SCUBE2: variants seen among roughly 807,000 people sequenced by gnomAD.
SCUBE2 encodes the protein signal peptide, CUB domain and EGF like domain containing 2, also known as signal peptide, CUB and EGF-like domain-containing protein 2.
SCUBE2 carries 114 observed loss-of-function variants against 125.9 expected under a neutral mutation model. The observed-to-expected ratio is 0.91, with a 90% CI of 0.78 to 1.06. SCUBE2 has a LOEUF of 1.06. Among genes scored for constraint, SCUBE2 ranks in the 50% least tolerant of loss-of-function variants. The pLI is 0.00. For missense variants in SCUBE2, 1,255 were observed against 1,301.8 expected, an observed-to-expected ratio of 0.96 and a Z score of 0.55; for synonymous variants, 459 against 492.9, an observed-to-expected ratio of 0.93 and a Z score of 0.91.
At chr11:9,089,679 C>A (rs372002537) in intron 2 of SCUBE2, 28 bp downstream of exon 2, 51 of 1,609,344 alleles carry the variant, frequency 3.2e-5, no homozygotes, top group Middle Eastern at 1.7e-4. Flanking sequence ...TCCCTACAGT[C>A]CCCCCACATG....
At position 9,074,236 on chromosome 11, in the gene SCUBE2, G is replaced by T. The variant is rs149848049; in HGVS notation, c.517+245C>A. Among the ~76,000 whole-genome samples, 26 of 152,332 alleles carry T rather than the reference G, an allele frequency of 1.7e-4. 1 individual carries two copies. The East Asian group carries it at 3.9e-3, about 23-fold the overall frequency. ...GTATTCTATGTAAAGATTAGAATCA[G>T]AAAATGTGAGAGTTTGAAAGGACCT... On this transcript the variant is annotated intron_variant, in intron 4 of 22. Transcript: ENST00000649792.
At chr11:9,085,286 T>G (rs1861957919) in intron 2 of SCUBE2, among the ~76,000 whole-genome samples, 1 of 152,350 alleles carries the variant, frequency 6.6e-6, no homozygotes, top group South Asian at 2.1e-4. Context: ...GTTGATTTCC[T>G]GGTTTTGATA....
intron 7 of SCUBE2, 93 bp downstream of exon 7, chr11:9,065,798 G>C: frequency 9.6e-7 from 1 of 1,044,846 alleles, no homozygotes. Context: ...CTGGTCTGAG[G>C]GCATGTGGCT....
intron 21 of SCUBE2, among the ~76,000 whole-genome samples, chr11:9,025,232 T>G (rs546095675): frequency 6.6e-6 from 1 of 152,364 alleles, no homozygotes; most frequent in South Asian, 2.1e-4. Flanking sequence ...GGTCCTTCCC[T>G]GCCTCAGGAT....
At chr11:9,072,798 T>C (rs990616195) in intron 4 of SCUBE2, among the ~76,000 whole-genome samples, 1 of 152,186 alleles carries the variant, frequency 6.6e-6, no homozygotes, top group African/African-American at 2.4e-5. Flanking sequence ...AAATACTCTT[T>C]AGGGGATCCA....
At chr11:9,033,489 A>G (rs1856493689) in intron 17 of SCUBE2, 137 bp downstream of exon 17, 1 of 924,450 alleles carries the variant, frequency 1.1e-6, no homozygotes, top group Non-Finnish European at 1.7e-6. Context: ...TGAGCCAAAG[A>G]TGAATCGAGC....
At chr11:9,047,840 G>C in intron 15 of SCUBE2, 103 bp downstream of exon 15, 1 of 1,336,196 alleles carries the variant, frequency 7.5e-7, no homozygotes, top group Non-Finnish European at 1.0e-6. Context: ...AGATACTTCA[G>C]TGTTTGCATT....
chr11:9,076,383 C>T (rs1384971631), intron 3 of SCUBE2, among the ~76,000 whole-genome samples: 2 of 152,084 alleles, frequency 1.3e-5, no homozygotes, highest in Non-Finnish European at 2.9e-5. Flanking sequence ...TGTATTGCTA[C>T]ACTTACTGAC....
At chr11:9,071,346 A>C (rs1280633900) in intron 4 of SCUBE2, among the ~76,000 whole-genome samples, 2 of 152,358 alleles carry the variant, frequency 1.3e-5, no homozygotes, top group Middle Eastern at 3.4e-3. Flanking sequence ...CCTGTATGCC[A>C]GATGCCATTG....
intron 4 of SCUBE2, among the ~76,000 whole-genome samples, chr11:9,070,565 T>C (rs1860697911): frequency 6.6e-6 from 1 of 152,212 alleles, no homozygotes; most frequent in Non-Finnish European, 1.5e-5. Flanking sequence ...TGGTTGTCAT[T>C]GGCTCTCTAT....
intron 4 of SCUBE2, 132 bp from the exon 5 acceptor site, chr11:9,069,627 G>C (rs901493579): frequency 3.4e-6 from 4 of 1,183,712 alleles, no homozygotes; most frequent in South Asian, 3.0e-5. Context: ...CATTTGAAAA[G>C]TATATGTCAT....
chr11:9,024,668 G>A (rs578207457), intron 21 of SCUBE2, among the ~76,000 whole-genome samples: 5 of 152,064 alleles, frequency 3.3e-5, no homozygotes, highest in Non-Finnish European at 7.4e-5. Flanking sequence ...CAGTCCACAC[G>A]TACACCGGGG....
intron 16 of SCUBE2, among the ~76,000 whole-genome samples, chr11:9,041,036 T>G (rs753295906): frequency 6.6e-6 from 1 of 152,158 alleles, no homozygotes; most frequent in Non-Finnish European, 1.5e-5. Flanking sequence ...CTAGCAATAG[T>G]CAAAAAGACT....
At chr11:9,043,145 C>A (rs1266855695) in intron 16 of SCUBE2, among the ~76,000 whole-genome samples, 5 of 152,200 alleles carry the variant, frequency 3.3e-5, no homozygotes, top group Admixed American at 3.3e-4. Context: ...TGTTCCTAGT[C>A]TCTCAAGAAC....
At chr11:9,039,968 G>A (rs749904081) in intron 16 of SCUBE2, among the ~76,000 whole-genome samples, 3 of 152,222 alleles carry the variant, frequency 2.0e-5, no homozygotes, top group Non-Finnish European at 2.9e-5. Context: ...ACACCCGACT[G>A]AAGGGCGTAA....
Position 9,021,119 on chromosome 11 carries a change from G to A in SCUBE2, c.3013C>T (p.Arg1005Ter), listed in dbSNP as rs566580521. Residue 1005 changes from arginine to a stop codon, truncating the protein, a stop_gained, in exon 23 of 23, where the codon CGA becomes TGA. Transcript: ENST00000649792. LOFTEE classifies it high-confidence loss of function. The stretch of plus-strand genomic sequence containing the variant: ...ATGAACGATCTTGGAAACATCTCTC[G>A]GGACTCCTGGGCTGTGTACTTGAAA... ...NYFKYTAQES[R>*]EMFPRSFIRL... 3.0e-5 allele frequency: 48 copies of A among 1,613,630 alleles called. No individual in the cohort carries two copies. The highest frequency in any genetic ancestry group is 1.5e-4 in the Admixed American group (9 of 59,984).
chr11:9,053,560 T>C, intron 11 of SCUBE2, 77 bp downstream of exon 11: 2 of 1,549,818 alleles, frequency 1.3e-6, no homozygotes, highest in Non-Finnish European at 1.8e-6. Flanking sequence ...AGGTGGGATG[T>C]GGGAGCACGC....
rs538392834 is a variant in SCUBE2, at chr11:9,052,847, G to A, written c.1448-15C>T. ...CCCTTGCAGTCCTGACAGACAGAAT[G>A]TCAATTGTCAAATGCATAAGCAAGG... is the stretch of plus-strand genomic sequence containing the variant. On this transcript the variant is annotated splice_polypyrimidine_tract_variant and intron_variant, in intron 12 of 22. Transcript: ENST00000649792. 1.0e-4 allele frequency: 152 copies of A among 1,525,692 alleles called. No individual in the cohort carries two copies. The highest frequency in any genetic ancestry group is 1.3e-4 in the Non-Finnish European group (146 of 1,136,620). 94.5% of individuals were successfully genotyped at this position (1,525,692 alleles called of 1,614,324 possible).
At chr11:9,079,903 T>C (rs1048292283) in intron 2 of SCUBE2, among the ~76,000 whole-genome samples, 4 of 152,170 alleles carry the variant, frequency 2.6e-5, no homozygotes, top group Non-Finnish European at 5.9e-5. Flanking sequence ...AATAAGAAGA[T>C]ATAAAAACAC....
Sources: allele counts gnomAD v4.1 joint callset (sites outside exome capture counted in the v4.1 genomes callset), GRCh38; gene constraint gnomAD v4.1.1; transcripts MANE v1.5; gene names NCBI Gene and HGNC (gene_info 2026-07-23, HGNC 2026-07-21).